Variants in SLC26A1 observed in about 807,000 individuals in gnomAD.
SLC26A1 encodes sulfate anion transporter 1.
SLC26A1 carries 18 observed loss-of-function variants against 14.5 expected under a neutral mutation model. The ratio of observed to expected loss-of-function variants is 1.24; its 90% confidence interval spans 0.86 to 1.84. The LOEUF (loss-of-function observed/expected upper bound fraction) is 1.84, where lower values mean the gene tolerates loss of function less well. Ranked by LOEUF, SLC26A1 falls within the 40% of genes most tolerant of loss-of-function variation. The probability of loss-of-function intolerance (pLI) is 0.00; values close to 1 mark genes in which losing one functional copy is unlikely to be tolerated. For synonymous variants in SLC26A1, 505 were observed against 492.0 expected, an observed-to-expected ratio of 1.03 and a Z score of -0.35; for missense variants, 1,049 against 1,020.0, an observed-to-expected ratio of 1.03 and a Z score of -0.39.
exon 3 of SLC26A1, chr4:979,202 C>A: frequency 1.9e-6 from 1 of 536,158 alleles, no homozygotes; most frequent in Non-Finnish European, 3.3e-6. Flanking sequence ...ACATCATCCA[C>A]ATGGTAAAGC....
chr4:987,262 C>A (rs1189833583), downstream of SLC26A1: 1 of 1,512,844 alleles, frequency 6.6e-7, no homozygotes, highest in Non-Finnish European at 8.8e-7. Flanking sequence ...CCGCGGCCTC[C>A]GGGACCCCCT....
Position 987,781 on chromosome 4 carries a change from G to T in SLC26A1, c.*1052C>A. The T allele has an allele frequency of 1.9e-6, 3 of 1,611,380 alleles. No individual in the cohort carries two copies. The highest frequency in any genetic ancestry group is 1.1e-5 in the South Asian group (1 of 90,912). On this transcript the variant is annotated 3_prime_UTR_variant, in exon 3 of 3. Transcript: ENST00000398516. ...CGCTGCCAGCCATGCTGAGGCTCGG[G>T]ACTGAGCCGCCCCTTTGTTGTCCCC...
downstream of SLC26A1, among the ~76,000 whole-genome samples, chr4:983,624 T>G (rs750067512): frequency 1.8e-4 from 28 of 152,246 alleles, no homozygotes; most frequent in Non-Finnish European, 3.8e-4. Context: ...AAAAATGTGG[T>G]TTCCCCTGCG....
Position 988,651 on chromosome 4 carries a change from C to T in SLC26A1, c.*182G>A. On this transcript the variant is annotated 3_prime_UTR_variant, in exon 3 of 3. Coordinates refer to ENST00000398516, the MANE Select transcript of SLC26A1 (RefSeq NM_022042.4). ...GTTCTTGATTTCTGAGTGTTTGGGT[C>T]CTGCGTGTGATCAGAGGGCCTCCTT... 4.3e-6 allele frequency: 6 copies of T among 1,403,202 alleles called. No individual in the cohort carries two copies. Among genetic ancestry groups the T allele is most frequent in the Non-Finnish European group, 5.5e-6 (6 of 1,084,616 alleles). The allele number at this position is 1,403,202 out of a possible 1,614,324, so 86.9% of individuals were successfully genotyped here.
At chr4:983,707 G>A (rs1303727314), downstream of SLC26A1, among the ~76,000 whole-genome samples, 3 of 152,218 alleles carry the variant, frequency 2.0e-5, no homozygotes, top group African/African-American at 7.2e-5. Context: ...TACCCTTTTA[G>A]TGAAACTTCA....
chr4:990,556 CA>C, intron 2 of SLC26A1, 194 bp from the exon 3 acceptor site: 1 of 604,556 alleles, frequency 1.7e-6, no homozygotes, highest in Non-Finnish European at 2.9e-6. Flanking sequence ...TGCCCGCAGA[CA>C]ACTGTGACAT....
At chr4:981,971 C>T (rs1008553757) in intron 2 of SLC26A1, among the ~76,000 whole-genome samples, 4 of 152,204 alleles carry the variant, frequency 2.6e-5, no homozygotes, top group African/African-American at 9.6e-5. Flanking sequence ...AGGCACCCAC[C>T]ACCACACCCG....
downstream of SLC26A1, chr4:987,362 C>T: frequency 9.9e-7 from 1 of 1,011,796 alleles, no homozygotes; most frequent in African/African-American, 1.7e-5. Context: ...CCTGGCTCTC[C>T]CGGGCCCGCC....
chr4:986,220 C>G (rs1242697887), downstream of SLC26A1, among the ~76,000 whole-genome samples: 2 of 152,102 alleles, frequency 1.3e-5, no homozygotes, highest in Non-Finnish European at 2.9e-5. Context: ...CCGCACCAAG[C>G]CTGTTCTTTC....
chr4:989,945 C>T lies in SLC26A1; in HGVS notation c.994G>A (p.Val332Ile). Reference sequence around the variant, plus strand: ...CGCTGCATCAGCCTGGGCTCTGGGACCTGAGGGGGCATGAAACCCGTGGGG... The same window carrying T: ...CGCTGCATCAGCCTGGGCTCTGGGATCTGAGGGGGCATGAAACCCGTGGGG... Reference protein sequence around the residue: ...DIPTGFMPPQVPEPRLMQRVA... With the variant: ...DIPTGFMPPQIPEPRLMQRVA... The change falls in exon 3 of 3, where the codon GTC becomes ATC. Residue 332 changes from valine (V) to isoleucine (I), a missense_variant. Val to Ile is a conservative substitution (Grantham distance 29). Coordinates refer to ENST00000398516, the MANE Select transcript of SLC26A1 (RefSeq NM_022042.4). The T allele has an allele frequency of 6.4e-7, 1 of 1,556,044 alleles. No individual in the cohort carries two copies. The highest frequency in any genetic ancestry group is 8.7e-7 in the Non-Finnish European group (1 of 1,151,266).
Position 988,449 on chromosome 4 carries a change from GGCA to G in SLC26A1, c.*381_*383del. ...GCTCCTACCAGCAGGGTGGGCACCG[GGCA>G]GGCCTGGGCATAGGGAGTCCTCTTG... On this transcript the variant is annotated 3_prime_UTR_variant, in exon 3 of 3. Transcript: ENST00000398516. The G allele has an allele frequency of 9.1e-7, 1 of 1,094,888 alleles. No homozygotes were observed. Among genetic ancestry groups the G allele is most frequent in the South Asian group, 3.3e-5 (1 of 30,618 alleles). The allele number at this position is 1,094,888 out of a possible 1,614,324, so 67.8% of individuals were successfully genotyped here. A position where few individuals can be genotyped will look rare whatever the true frequency, so the allele number is the denominator to read the frequency against.
At position 981,910 on chromosome 4, in the gene SLC26A1, C is replaced by T. The variant is rs535129997; in HGVS notation, c.577-2406G>A. 2.8e-4 allele frequency among the ~76,000 whole-genome samples: 42 copies of T among 152,160 alleles called. No homozygotes were observed. In the South Asian group the frequency reaches 8.5e-3, roughly 31 times the overall value. ...AGCTTGCTGCAAGCTCGGTGCACTT[C>T]CCGGGTTCACGCCATTCTCCTGCCT... On this transcript the variant is annotated intron_variant, in intron 2 of 2. Coordinates refer to the SLC26A1 transcript ENST00000398520.
At chr4:985,294 C>T (rs564349281), downstream of SLC26A1, among the ~76,000 whole-genome samples, 5 of 152,274 alleles carry the variant, frequency 3.3e-5, no homozygotes, top group African/African-American at 7.2e-5. Context: ...GTGGAGTCGC[C>T]GCCCCAAAGC....
At chr4:993,104 C>T (rs1411862426) in intron 1 of SLC26A1, among the ~76,000 whole-genome samples, 197 bp downstream of exon 1, 11 of 152,146 alleles carry the variant, frequency 7.2e-5, no homozygotes, top group Non-Finnish European at 8.8e-5. Flanking sequence ...CTGGAAGACC[C>T]CACCACACTG....
intron 1 of SLC26A1, chr4:992,087 T>A: frequency 1.9e-6 from 1 of 515,606 alleles, no homozygotes; most frequent in Non-Finnish European, 3.8e-6. Flanking sequence ...TGTAGCCTCC[T>A]GAAGCTCACC....
intron 1 of SLC26A1, chr4:992,218 C>T (rs1159284456): frequency 4.4e-6 from 2 of 458,110 alleles, no homozygotes; most frequent in African/African-American, 2.0e-5. Flanking sequence ...TGTCCACCTC[C>T]CTGGCTCCCC....
rs1714078940 is a variant in SLC26A1 at position 989,636 on chromosome 4, G to A, written c.1303C>T (p.His435Tyr). The change falls in exon 3 of 3, where the codon CAC becomes TAC. Residue 435 changes from histidine (H) to tyrosine (Y), a missense_variant. His to Tyr is a moderately conservative substitution (Grantham distance 83). Transcript: ENST00000398516. ...GCCAGCACGCTTCGCTGTAGGTCGT[G>A]GAACAGCGGTGCCAGCGCCAGCAGC... ...LVLLALAPLF[H>Y]DLQRSVLACV... 6.3e-7 allele frequency: 1 copy of A among 1,597,204 alleles called. No individual in the cohort carries two copies.
Position 989,195 on chromosome 4 carries a change from C to A in SLC26A1, c.1744G>T (p.Val582Phe), listed in dbSNP as rs746086793. The A allele has an allele frequency of 3.1e-6, 5 of 1,607,514 alleles. No individual in the cohort carries two copies. In the South Asian group the frequency reaches 4.4e-5, roughly 14 times the overall value. Residue 582 changes from valine (V) to phenylalanine (F), a missense_variant, in exon 3 of 3, where the codon GTC (valine) becomes TTC (phenylalanine). Val to Phe is a conservative substitution (Grantham distance 50). Coordinates refer to ENST00000398516, the MANE Select transcript of SLC26A1 (RefSeq NM_022042.4). Reference protein sequence around the residue: ...RRKEGGSETGVGEGGPAQGED... With the variant: ...RRKEGGSETGFGEGGPAQGED... ...CCCTGGGCAGGGCCTCCCTCACCGA[C>A]CCCCGTCTCTGAGCCCCCCTCCTTC...
At position 987,720 on chromosome 4, in the gene SLC26A1, C is replaced by G; in HGVS notation, c.*1113G>C. ...CACGGGCAGCGCCTGGATCCTGCGCCCGGGCAGTCCTGGGCTTGAACGTGT... is the reference window on the plus strand; with the variant it reads ...CACGGGCAGCGCCTGGATCCTGCGCGCGGGCAGTCCTGGGCTTGAACGTGT... On this transcript the variant is annotated 3_prime_UTR_variant, in exon 3 of 3. Coordinates refer to ENST00000398516, the MANE Select transcript of SLC26A1 (RefSeq NM_022042.4). The G allele has an allele frequency of 6.3e-7, 1 of 1,583,428 alleles. No homozygotes were observed. The highest frequency in any genetic ancestry group is 1.1e-5 in the South Asian group (1 of 88,030).
Sources: allele counts gnomAD v4.1 joint callset (sites outside exome capture counted in the v4.1 genomes callset), GRCh38; gene constraint gnomAD v4.1.1; transcripts MANE v1.5; gene names NCBI Gene and HGNC (gene_info 2026-07-23, HGNC 2026-07-21).